Variants in CACNA2D3 observed in about 807,000 individuals in gnomAD.
CACNA2D3 encodes calcium voltage-gated channel auxiliary subunit alpha2delta 3.
In CACNA2D3, 60 loss-of-function variants were observed where a neutral mutation model predicts 160.6. The ratio of observed to expected loss-of-function variants is 0.37; its 90% confidence interval spans 0.30 to 0.46. The LOEUF is 0.46. Ranked by LOEUF, CACNA2D3 falls within the 20% of genes least tolerant of loss-of-function variation. CACNA2D3 has a pLI of 1.00. For synonymous variants in CACNA2D3, 558 were observed against 492.9 expected (o/e 1.13, Z -1.75); for missense variants, 1,205 against 1,365.0 (o/e 0.88, Z 1.85).
chr3:54,833,822 C>T (rs1201898772), intron 14 of CACNA2D3, among the ~76,000 whole-genome samples: 2 of 152,016 alleles, frequency 1.3e-5, no homozygotes, highest in African/African-American at 4.8e-5. Context: ...TCCTGCCAGT[C>T]TTTGTTGCCA....
chr3:54,322,335 C>T (rs886830407), intron 3 of CACNA2D3, among the ~76,000 whole-genome samples: 9 of 152,212 alleles, frequency 5.9e-5, no homozygotes, highest in African/African-American at 1.7e-4. Flanking sequence ...ACCAGCCTGG[C>T]GGCATTACGA....
At chr3:54,984,698 A>G (rs1702578427) in intron 30 of CACNA2D3, 28 bp downstream of exon 30, 1 of 1,424,530 alleles carries the variant, frequency 7.0e-7, no homozygotes. Context: ...ACCAGCTCCA[A>G]GTAAGGATCT....
intron 5 of CACNA2D3, among the ~76,000 whole-genome samples, chr3:54,545,389 G>A (rs1702045007): frequency 1.3e-5 from 2 of 152,152 alleles, no homozygotes; most frequent in South Asian, 4.1e-4. Flanking sequence ...CAGCTGGCTT[G>A]TTCCACTCTT....
At chr3:54,135,964 C>T (rs1026672297) in intron 2 of CACNA2D3, among the ~76,000 whole-genome samples, 8 of 152,226 alleles carry the variant, frequency 5.3e-5, no homozygotes, top group Non-Finnish European at 1.0e-4. Flanking sequence ...CACGTCCCAC[C>T]GTGGGCTTCT....
chr3:54,664,922 T>C (rs112372387), intron 11 of CACNA2D3, among the ~76,000 whole-genome samples: 3,774 of 152,336 alleles, frequency 0.025, 80 homozygotes, highest in Non-Finnish European at 0.035. Flanking sequence ...CCCTGCTCCA[T>C]GCAGGCTATG....
chr3:54,478,660 G>GTGTATATATATATATA, intron 4 of CACNA2D3, among the ~76,000 whole-genome samples: 8 of 36,376 alleles, frequency 2.2e-4, no homozygotes, highest in Admixed American at 1.1e-3. Flanking sequence ...ATATGTGTGT[G>GTGTATATATATATATA]TATATATATA....
At chr3:54,743,695 T>C (rs927637629) in intron 11 of CACNA2D3, among the ~76,000 whole-genome samples, 1 of 152,214 alleles carries the variant, frequency 6.6e-6, no homozygotes, top group Non-Finnish European at 1.5e-5. Context: ...TTCATGGTAT[T>C]GAATCTGTAA....
intron 26 of CACNA2D3, 68 bp from the exon 27 acceptor site, chr3:54,899,720 T>G (rs1045228336): frequency 5.1e-6 from 6 of 1,170,428 alleles, no homozygotes; most frequent in Non-Finnish European, 6.3e-6. Flanking sequence ...TAGACCGATA[T>G]GATTACTCTC....
intron 27 of CACNA2D3, among the ~76,000 whole-genome samples, chr3:54,950,492 T>C (rs1701731638): frequency 6.6e-6 from 1 of 152,192 alleles, no homozygotes; most frequent in Admixed American, 6.5e-5. Flanking sequence ...ATGCTGACAA[T>C]AATTATAATT....
At chr3:54,526,572 C>A (rs1701726363) in intron 5 of CACNA2D3, among the ~76,000 whole-genome samples, 1 of 152,184 alleles carries the variant, frequency 6.6e-6, no homozygotes, top group South Asian at 2.1e-4. Flanking sequence ...AATATGAAGC[C>A]CCTGATGCTG....
intron 18 of CACNA2D3, chr3:54,874,784 G>C (rs1699620079): frequency 6.6e-6 from 1 of 152,344 alleles, no homozygotes; most frequent in South Asian, 2.1e-4. Flanking sequence ...ATATTCCATG[G>C]AGAGAGCCCT....
rs116757089 is a variant in CACNA2D3 at position 54,865,711 on chromosome 3, C to T, written c.1627-5828C>T. On this transcript the variant is annotated intron_variant, in intron 17 of 37. Coordinates refer to ENST00000474759, the MANE Select transcript of CACNA2D3 (RefSeq NM_018398.3). Reference sequence around the variant, plus strand: ...CCTTTGCCTGTGAAGGAACTTCCTCCCTAGGGGTGAGCTGCATGGGGGCAG... The same window carrying T: ...CCTTTGCCTGTGAAGGAACTTCCTCTCTAGGGGTGAGCTGCATGGGGGCAG... Among the ~76,000 whole-genome samples, 741 of 152,294 alleles carry T rather than the reference C, an allele frequency of 4.9e-3. 8 individuals are homozygous for T. Among genetic ancestry groups the T allele is most frequent in the African/African-American group, 0.017 (700 of 41,548 alleles).
At chr3:54,492,406 G>A (rs190934635) in intron 4 of CACNA2D3, among the ~76,000 whole-genome samples, 4 of 152,324 alleles carry the variant, frequency 2.6e-5, no homozygotes, top group African/African-American at 9.6e-5. Context: ...GACAGAAGCT[G>A]TGCAACGATA....
intron 2 of CACNA2D3, among the ~76,000 whole-genome samples, chr3:54,282,728 G>A (rs6799791): frequency 0.52 from 79,666 of 152,022 alleles, 21,028 homozygotes; most frequent in East Asian, 0.65. Flanking sequence ...ATATATAAGT[G>A]TATTACAAGT....
At chr3:54,237,243 C>T (rs1701896639) in intron 2 of CACNA2D3, among the ~76,000 whole-genome samples, 1 of 151,886 alleles carries the variant, frequency 6.6e-6, no homozygotes, top group Non-Finnish European at 1.5e-5. Context: ...TGCTCATGTC[C>T]CTAGAAGGAA....
rs376760270 is a variant in CACNA2D3 at position 54,665,941 on chromosome 3, A to G, written c.1167+23700A>G. 2.1e-4 allele frequency among the ~76,000 whole-genome samples: 32 copies of G among 152,194 alleles called. 1 individual carries two copies. Among genetic ancestry groups the G allele is most frequent in the East Asian group, 1.5e-3 (8 of 5,168 alleles). On this transcript the variant is annotated intron_variant, in intron 11 of 37. Transcript: ENST00000474759. Reference sequence around the variant, plus strand: ...CTCAGCCTCCTGAGTAGCTGAGACTACAGGGATGTGCCACCATGCCCAGCT... The same window carrying G: ...CTCAGCCTCCTGAGTAGCTGAGACTGCAGGGATGTGCCACCATGCCCAGCT...
intron 14 of CACNA2D3, among the ~76,000 whole-genome samples, chr3:54,829,885 C>CTTTT (rs58291013): frequency 0.011 from 711 of 64,354 alleles, 131 homozygotes; most frequent in Non-Finnish European, 0.014. Context: ...TCTTCTTCAT[C>CTTTT]TTTTTTTTTT....
intron 11 of CACNA2D3, among the ~76,000 whole-genome samples, chr3:54,647,401 G>T (rs1699672092): frequency 6.6e-6 from 1 of 152,162 alleles, no homozygotes; most frequent in Non-Finnish European, 1.5e-5. Context: ...ATTATTTCTT[G>T]TGATTCTATG....
intron 3 of CACNA2D3, among the ~76,000 whole-genome samples, chr3:54,370,519 C>T (rs1698906839): frequency 6.6e-6 from 1 of 152,014 alleles, no homozygotes; most frequent in South Asian, 2.1e-4. Flanking sequence ...TTGCCTAATC[C>T]CCTGGTGAGC....
Sources: gnomAD v4.1 joint callset for allele counts (sites outside exome capture counted in the v4.1 genomes callset) on GRCh38, gnomAD v4.1.1 for gene constraint, MANE v1.5 for transcripts, NCBI Gene and HGNC (gene_info 2026-07-23, HGNC 2026-07-21) for gene names.